The following ALKBH4 variants were observed in gnomAD, a reference collection of about 807,000 sequenced individuals.
The protein encoded by ALKBH4 is alkB homolog 4, lysine demethylase.
In ALKBH4, 8 loss-of-function variants were observed where a neutral mutation model predicts 12.1. The observed-to-expected ratio is 0.66, with a 90% CI of 0.39 to 1.19. The LOEUF is 1.19. ALKBH4 is among the 50% of genes most tolerant of loss of function. ALKBH4 has a pLI of 0.01. For missense variants in ALKBH4, 403 were observed against 430.4 expected (o/e 0.94, Z 0.56); for synonymous variants, 195 against 191.6 (o/e 1.02, Z -0.15).
At chr7:102,460,095 AG>A (rs1289283175) in intron 1 of ALKBH4, among the ~76,000 whole-genome samples, 4 of 151,828 alleles carry the variant, frequency 2.6e-5, no homozygotes, top group African/African-American at 7.2e-5. Flanking sequence ...CAGAGGTTGC[AG>A]TGAGCCAAGA....
At chr7:102,459,289 G>A (rs1283936675) in intron 2 of ALKBH4, 1 of 290,262 alleles carries the variant, frequency 3.4e-6, no homozygotes, top group East Asian at 6.6e-5. Context: ...GGACACGGAT[G>A]GTGACAATGG....
At chr7:102,458,061 G>T in intron 2 of ALKBH4, 80 bp from the exon 3 acceptor site, 1 of 1,400,390 alleles carries the variant, frequency 7.1e-7, no homozygotes, top group Non-Finnish European at 9.5e-7. Flanking sequence ...GAAGAATTCA[G>T]TCATAGTGAC....
chr7:102,463,142 G>A (rs952391580), intron 1 of ALKBH4, among the ~76,000 whole-genome samples: 1 of 151,356 alleles, frequency 6.6e-6, no homozygotes, highest in African/African-American at 2.4e-5. Flanking sequence ...GTAGAGGTGG[G>A]ATTTCACCAT....
intron 1 of ALKBH4, among the ~76,000 whole-genome samples, chr7:102,461,001 G>A (rs757037805): frequency 7.9e-5 from 12 of 152,046 alleles, no homozygotes; most frequent in African/African-American, 2.7e-4. Context: ...CACCAACCCC[G>A]AGGCCTGGCG....
intron 1 of ALKBH4, among the ~76,000 whole-genome samples, chr7:102,460,064 G>A (rs13245633): frequency 6.6e-6 from 1 of 151,572 alleles, no homozygotes; most frequent in East Asian, 1.9e-4. Flanking sequence ...TGAAGCTGGA[G>A]AATTGCTTAA....
chr7:102,464,787 C>T lies in ALKBH4; in HGVS notation c.50G>A (p.Cys17Tyr), dbSNP rs202159964. Residue 17 changes from cysteine (C) to tyrosine (Y), a missense_variant, in exon 1 of 3, where the codon TGC (cysteine) becomes TAC (tyrosine). Transcript: ENST00000292566. ...ETPEVLRECG[C>Y]KGIRTCLICE... ...GATCAGACAGGTCCGGATGCCCTTGCAACCGCATTCCCGAAGGACTTCGGG... is the reference window on the plus strand; with the variant it reads ...GATCAGACAGGTCCGGATGCCCTTGTAACCGCATTCCCGAAGGACTTCGGG... 2.2e-4 allele frequency: 338 copies of T among 1,570,590 alleles called. 1 individual carries two copies. Among genetic ancestry groups the T allele is most frequent in the Non-Finnish European group, 2.7e-4 (313 of 1,162,634 alleles).
chr7:102,464,714 C>T lies in ALKBH4; in HGVS notation c.123G>A (p.Ala41=), dbSNP rs747531455. ...GCGCGGCCCCTCTCCCACCCCTTAC[C>T]GCTGGGGGCAGCTCCCAGGGCGGGT... ...GSDPPWELPP[A]KTYRFIYCSD... is the part of the protein sequence containing the mutation. Residue 41 remains alanine (A), a splice_region_variant and synonymous_variant, in exon 1 of 3, where the codon GCG becomes GCA. Transcript: ENST00000292566. 4 of 1,540,288 alleles carry T rather than the reference C, an allele frequency of 2.6e-6. No homozygotes were observed. In the Admixed American group the frequency reaches 8.5e-5, roughly 33 times the overall value.
At position 102,464,831 on chromosome 7, in the gene ALKBH4, C is replaced by A. The variant is rs760467469; in HGVS notation, c.6G>T (p.Ala2=). The A allele has an allele frequency of 1.1e-5, 16 of 1,515,938 alleles. No homozygotes were observed. The highest frequency in any genetic ancestry group is 2.8e-5 in the East Asian group (1 of 36,124). 93.9% of individuals were successfully genotyped at this position (1,515,938 alleles called of 1,614,324 possible). The change falls in exon 1 of 3, where the codon GCG becomes GCT. Residue 2 remains alanine, a synonymous_variant. Transcript: ENST00000292566. The part of the protein sequence containing the change: M[A]AAAAETPEVL... ...CTTCGGGGGTCTCGGCGGCAGCCGC[C>A]GCCATCGCGCCGTCCGCGTGGCCAG... is the stretch of plus-strand genomic sequence containing the variant.
intron 1 of ALKBH4, among the ~76,000 whole-genome samples, chr7:102,462,777 A>G (rs1358787294): frequency 1.3e-5 from 2 of 152,078 alleles, no homozygotes; most frequent in Admixed American, 6.6e-5. Context: ...ATTAAACAAC[A>G]GGTCCCCATC....
At position 102,457,673 on chromosome 7, in the gene ALKBH4, G is replaced by A; in HGVS notation, c.630C>T (p.Ala210=). Residue 210 remains alanine, a synonymous_variant, in exon 3 of 3, where the codon GCC becomes GCT. Coordinates refer to ENST00000292566, the MANE Select transcript of ALKBH4 (RefSeq NM_017621.4). The surrounding 1 kb of genome is among the most constrained non-coding windows in gnomAD (Gnocchi z 5.9). ...TCACGCTGTCCACCAAGGCCTCCGG[G>A]GCAGCCGACGGGGCCGAGCAGAGGA... ...SLLLCSAPSA[A]PEALVDSVIA... is the part of the protein sequence containing the mutation. 1 of 1,559,910 alleles carries A rather than the reference G, an allele frequency of 6.4e-7. No individual in the cohort carries two copies. Among genetic ancestry groups the A allele is most frequent in the South Asian group, 1.1e-5 (1 of 87,218 alleles).
At position 102,457,482 on chromosome 7, in the gene ALKBH4, G is replaced by A. The variant is rs777078094; in HGVS notation, c.821C>T (p.Ser274Leu). 13 of 1,613,498 alleles carry A rather than the reference G, an allele frequency of 8.1e-6. No homozygotes were observed. The highest frequency in any genetic ancestry group is 1.3e-5 in the African/African-American group (1 of 75,054). ...RRVCVTFREL[S>L]AEFGPGGRQQ... ...CCTCCCTCCAGGGCCAAACTCAGCCGACAGCTCCCGGAAAGTGACGCAGAC... is the reference window on the plus strand; with the variant it reads ...CCTCCCTCCAGGGCCAAACTCAGCCAACAGCTCCCGGAAAGTGACGCAGAC... The change falls in exon 3 of 3, where the codon TCG becomes TTG. Residue 274 changes from serine (S) to leucine (L), a missense_variant. Ser to Leu is a moderately radical substitution (Grantham distance 145). Coordinates refer to ENST00000292566, the MANE Select transcript of ALKBH4 (RefSeq NM_017621.4). The surrounding 1 kb of genome is among the most constrained non-coding windows in gnomAD (Gnocchi z 5.9).
At chr7:102,464,630 G>A (rs1258530958) in intron 1 of ALKBH4, 84 bp downstream of exon 1, 2 of 1,437,152 alleles carry the variant, frequency 1.4e-6, no homozygotes, top group East Asian at 2.8e-5. Context: ...CTTCGATCCC[G>A]GCCCCTATCA....
Position 102,464,827 on chromosome 7 carries a change from C to T in ALKBH4, c.10G>A (p.Ala4Thr), listed in dbSNP as rs562930786. 55 of 1,521,676 alleles carry T rather than the reference C, an allele frequency of 3.6e-5. No individual in the cohort carries two copies. The Middle Eastern group carries it at 1.7e-3, about 47-fold the overall frequency. 94.3% of individuals were successfully genotyped at this position (1,521,676 alleles called of 1,614,324 possible). A position where few individuals can be genotyped will look rare whatever the true frequency, so the allele number is the denominator to read the frequency against. MAA[A>T]AAETPEVLRE... ...AGGACTTCGGGGGTCTCGGCGGCAG[C>T]CGCCGCCATCGCGCCGTCCGCGTGG... The change falls in exon 1 of 3, where the codon GCT becomes ACT. Residue 4 changes from alanine to threonine, a missense_variant. Coordinates refer to ENST00000292566, the MANE Select transcript of ALKBH4 (RefSeq NM_017621.4).
intron 1 of ALKBH4, among the ~76,000 whole-genome samples, chr7:102,461,793 C>T (rs1191996853): frequency 6.6e-6 from 1 of 152,202 alleles, no homozygotes; most frequent in Non-Finnish European, 1.5e-5. Flanking sequence ...CCATAACTAT[C>T]ATGGGCAGGA....
chr7:102,458,088 C>T (rs1430740401), intron 2 of ALKBH4, 107 bp from the exon 3 acceptor site: 1 of 1,150,444 alleles, frequency 8.7e-7, no homozygotes, highest in Non-Finnish European at 1.2e-6. Flanking sequence ...AAGCAAAAGC[C>T]CCCTGGCTTC....
chr7:102,459,724 G>T lies in ALKBH4; in HGVS notation c.201C>A (p.Ala67=), dbSNP rs1368509168. Residue 67 remains alanine (A), a synonymous_variant, in exon 2 of 3, where the codon GCC becomes GCA. Transcript: ENST00000292566. The stretch of plus-strand genomic sequence containing the variant: ...TCAGCATCACTCCTGGGAAGGGGAA[G>T]GCCCAGCCCTCAAAGTCAGACTCCT... ...GTEESDFEGW[A]FPFPGVMLIE... 6.2e-7 allele frequency: 1 copy of T among 1,614,138 alleles called. No homozygotes were observed. The highest frequency in any genetic ancestry group is 8.5e-7 in the Non-Finnish European group (1 of 1,179,998).
intron 1 of ALKBH4, among the ~76,000 whole-genome samples, chr7:102,463,056 C>G (rs992718010): frequency 6.7e-6 from 1 of 150,278 alleles, no homozygotes; most frequent in Non-Finnish European, 1.5e-5. Flanking sequence ...CTCCCAGGCT[C>G]AAGCAACCCT....
In ALKBH4 at chr7:102,457,580, C is replaced by A. The variant is rs1460328952; in HGVS notation, c.723G>T (p.Leu241=). 3.7e-6 allele frequency: 6 copies of A among 1,607,960 alleles called. No individual in the cohort carries two copies. In the Middle Eastern group the frequency reaches 5.0e-4, roughly 133 times the overall value. Residue 241 remains leucine, a synonymous_variant, in exon 3 of 3, where the codon CTG becomes CTT. Transcript: ENST00000292566. The surrounding 1 kb of genome is among the most constrained non-coding windows in gnomAD (Gnocchi z 5.9). The stretch of plus-strand genomic sequence containing the variant: ...GCCGTGCCGCCCCGGTGAGGACCAG[C>A]AGGGAGCGGGCGGGTAAGGGGATGG... ...EVAIPLPARS[L]LVLTGAARHQ...
At position 102,464,784 on chromosome 7, in the gene ALKBH4, T is replaced by C. The variant is rs775177804; in HGVS notation, c.53A>G (p.Lys18Arg). 2.5e-6 allele frequency: 4 copies of C among 1,570,288 alleles called. No individual in the cohort carries two copies. In the South Asian group the frequency reaches 4.6e-5, roughly 18 times the overall value. Reference sequence around the variant, plus strand: ...GCAGATCAGACAGGTCCGGATGCCCTTGCAACCGCATTCCCGAAGGACTTC... The same window carrying C: ...GCAGATCAGACAGGTCCGGATGCCCCTGCAACCGCATTCCCGAAGGACTTC... ...TPEVLRECGCKGIRTCLICER... is the reference protein window; with the variant it reads ...TPEVLRECGCRGIRTCLICER... The change falls in exon 1 of 3, where the codon AAG becomes AGG. Residue 18 changes from lysine to arginine, a missense_variant. By Grantham distance (26) the Lys-to-Arg change is conservative. Transcript: ENST00000292566.
Sources: gnomAD v4.1 joint callset for allele counts (sites outside exome capture counted in the v4.1 genomes callset) on GRCh38, gnomAD v4.1.1 for gene constraint, Gnocchi (gnomAD v3.1) non-coding constraint, MANE v1.5 for transcripts, NCBI Gene and HGNC (gene_info 2026-07-23, HGNC 2026-07-21) for gene names.